The following NLGN1 variants were observed in gnomAD, a reference collection of about 807,000 sequenced individuals.
The protein encoded by NLGN1 is neuroligin 1.
A neutral mutation model predicts 65.5 loss-of-function variants in NLGN1; 12 were observed. That is an observed-to-expected ratio of 0.18 (90% CI 0.12 to 0.30). The LOEUF (loss-of-function observed/expected upper bound fraction) is 0.30. NLGN1 is among the 10% of genes least tolerant of loss of function. The probability of loss-of-function intolerance (pLI) is 1.00; values close to 1 mark genes in which losing one functional copy is unlikely to be tolerated. For missense variants in NLGN1, 750 were observed against 1,007.1 expected (o/e 0.74, Z 3.46); for synonymous variants, 350 against 359.5 (o/e 0.97, Z 0.30).
chr3:173,477,108 A>G (rs1219044390), intron 2 of NLGN1, among the ~76,000 whole-genome samples: 3 of 152,146 alleles, frequency 2.0e-5, no homozygotes, highest in Admixed American at 6.5e-5. Flanking sequence ...CTCAGTGTTC[A>G]GGGGAGAGAT....
At chr3:173,911,503 A>C (rs1392900312) in intron 4 of NLGN1, among the ~76,000 whole-genome samples, 2 of 152,134 alleles carry the variant, frequency 1.3e-5, no homozygotes, top group Non-Finnish European at 2.9e-5. Context: ...GCCTGATGAA[A>C]GGTTGAATCA....
At chr3:174,022,539 A>G (rs2152459560) in intron 4 of NLGN1, among the ~76,000 whole-genome samples, 1 of 152,284 alleles carries the variant, frequency 6.6e-6, no homozygotes, top group South Asian at 2.1e-4. Flanking sequence ...TGTTGAAACA[A>G]TCCTATTGAC....
chr3:174,134,095 CAA>C (rs1720751901), intron 4 of NLGN1, among the ~76,000 whole-genome samples: 2 of 152,012 alleles, frequency 1.3e-5, no homozygotes, highest in Admixed American at 1.3e-4. Context: ...AGGAAAAAGA[CAA>C]ATTATATTTT....
chr3:173,487,241 T>G (rs1028915389), intron 2 of NLGN1, among the ~76,000 whole-genome samples: 3 of 152,056 alleles, frequency 2.0e-5, no homozygotes, highest in Non-Finnish European at 4.4e-5. Flanking sequence ...TATTTATTAT[T>G]TCTTCTTTAA....
intron 3 of NLGN1, among the ~76,000 whole-genome samples, chr3:173,786,573 C>A (rs1782007109): frequency 2.0e-5 from 3 of 151,840 alleles, no homozygotes; most frequent in Admixed American, 1.3e-4. Flanking sequence ...CACACAAAAC[C>A]CATATACATA....
At chr3:174,054,773 A>C (rs372545902) in intron 4 of NLGN1, among the ~76,000 whole-genome samples, 2 of 152,034 alleles carry the variant, frequency 1.3e-5, no homozygotes. Flanking sequence ...TCCACTTTCC[A>C]TAAAAGTTTC....
chr3:173,812,410 A>G (rs1718130341), intron 4 of NLGN1, among the ~76,000 whole-genome samples: 1 of 152,118 alleles, frequency 6.6e-6, no homozygotes, highest in South Asian at 2.1e-4. Context: ...TGCTTCAAGT[A>G]TTATTAGATA....
chr3:173,821,079 A>C (rs1373132215), intron 4 of NLGN1, among the ~76,000 whole-genome samples: 4 of 152,130 alleles, frequency 2.6e-5, no homozygotes, highest in African/African-American at 9.7e-5. Context: ...CCATAGATTT[A>C]ATTATATTCT....
chr3:173,719,008 C>T lies in NLGN1; in HGVS notation c.494-88672C>T, dbSNP rs571968514. 3.3e-5 allele frequency among the ~76,000 whole-genome samples: 5 copies of T among 152,232 alleles called. No individual in the cohort carries two copies. In the East Asian group the frequency reaches 7.7e-4, roughly 24 times the overall value. ...TTTCATACCACTGCCATTTTCCTTG[C>T]CCCCAAAGTAAATCAGACTGACATG... is the stretch of plus-strand genomic sequence containing the variant. On this transcript the variant is annotated intron_variant, in intron 3 of 6. Coordinates refer to ENST00000457714, the Ensembl canonical transcript of NLGN1.
intron 1 of NLGN1, among the ~76,000 whole-genome samples, chr3:173,427,997 G>A (rs1716465977): frequency 6.6e-6 from 1 of 151,506 alleles, no homozygotes; most frequent in African/African-American, 2.4e-5. Flanking sequence ...ATCCAGTGTT[G>A]GAGTACATAT....
intron 4 of NLGN1, among the ~76,000 whole-genome samples, chr3:174,107,126 G>A (rs11929050): frequency 0.13 from 19,960 of 151,274 alleles, 1,512 homozygotes; most frequent in African/African-American, 0.2. Context: ...AAGGTCTTAT[G>A]TTGCCTTTAC....
intron 2 of NLGN1, among the ~76,000 whole-genome samples, chr3:173,551,487 A>G (rs1402301992): frequency 2.0e-5 from 3 of 152,194 alleles, no homozygotes; most frequent in Non-Finnish European, 4.4e-5. Context: ...TGTGTTTGAC[A>G]TCAATTCTTG....
rs192022491 is a variant in NLGN1, at chr3:173,863,664, A to G, written c.646+55832A>G. ...TGGTTATGGCTTCCAATGAGTTTCT[A>G]TTTCCCTTCAGGGTTTGGACTAAAG... On this transcript the variant is annotated intron_variant, in intron 4 of 6. Coordinates refer to ENST00000457714, the Ensembl canonical transcript of NLGN1. Among the ~76,000 whole-genome samples, 285 of 152,274 alleles carry G rather than the reference A, an allele frequency of 1.9e-3. 1 individual carries two copies. The highest frequency in any genetic ancestry group is 6.4e-3 in the African/African-American group (265 of 41,558).
intron 2 of NLGN1, among the ~76,000 whole-genome samples, chr3:173,453,488 A>G (rs1163351511): frequency 6.6e-6 from 1 of 151,886 alleles, no homozygotes; most frequent in African/African-American, 2.4e-5. Flanking sequence ...ATGGGATTTT[A>G]CCCACAGTAG....
At chr3:174,261,963 T>C (rs1396172419) in intron 4 of NLGN1, among the ~76,000 whole-genome samples, 1 of 146,302 alleles carries the variant, frequency 6.8e-6, no homozygotes, top group South Asian at 2.3e-4. Flanking sequence ...TGTCTTTGGC[T>C]CTGTTTATAT....
At chr3:173,577,500 TG>T (rs555780213) in intron 2 of NLGN1, among the ~76,000 whole-genome samples, 2 of 152,216 alleles carry the variant, frequency 1.3e-5, no homozygotes, top group South Asian at 4.1e-4. Context: ...TGTTTTCTTT[TG>T]TAACAAATCC....
At chr3:173,500,286 C>G (rs1301735142) in intron 2 of NLGN1, among the ~76,000 whole-genome samples, 1 of 152,096 alleles carries the variant, frequency 6.6e-6, no homozygotes, top group Non-Finnish European at 1.5e-5. Flanking sequence ...TGTCAAAGGC[C>G]TTTTCTGCAT....
At chr3:173,762,965 TACACACACACAC>T (rs111427276) in intron 3 of NLGN1, among the ~76,000 whole-genome samples, 16 of 143,250 alleles carry the variant, frequency 1.1e-4, no homozygotes, top group Admixed American at 2.8e-4. Context: ...TTGTCTCTGA[TACACACACACAC>T]ACACACACAC....
intron 4 of NLGN1, among the ~76,000 whole-genome samples, chr3:173,894,217 A>T (rs1355766632): frequency 1.3e-5 from 2 of 152,182 alleles, no homozygotes; most frequent in Admixed American, 1.3e-4. Flanking sequence ...CATCAACATC[A>T]TATAGTTAGT....
Sources: allele counts gnomAD v4.1 joint callset (sites outside exome capture counted in the v4.1 genomes callset), GRCh38; gene constraint gnomAD v4.1.1; transcripts MANE v1.5; gene names NCBI Gene and HGNC (gene_info 2026-07-23, HGNC 2026-07-21).